Variants in HEPHL1 observed in about 807,000 individuals in gnomAD.
The protein encoded by HEPHL1 is ferroxidase HEPHL1.
A neutral mutation model predicts 122.0 loss-of-function variants in HEPHL1; 123 were observed. The observed-to-expected ratio is 1.01, with a 90% CI of 0.87 to 1.17. The LOEUF is 1.17. HEPHL1 is among the 50% of genes most tolerant of loss of function. HEPHL1 has a pLI of 0.00. For missense variants in HEPHL1, 1,452 were observed against 1,430.5 expected, an observed-to-expected ratio of 1.01 and a Z score of -0.24; for synonymous variants, 527 against 508.9, an observed-to-expected ratio of 1.04 and a Z score of -0.48.
chr11:94,050,324 G>A (rs968703164), intron 2 of HEPHL1, among the ~76,000 whole-genome samples: 34 of 151,962 alleles, frequency 2.2e-4, no homozygotes, highest in African/African-American at 2.7e-4. Context: ...ATACCTTTAC[G>A]TTTTTTCTTT....
chr11:94,047,345 C>T (rs1260560888), intron 2 of HEPHL1, among the ~76,000 whole-genome samples: 1 of 152,058 alleles, frequency 6.6e-6, no homozygotes, highest in Non-Finnish European at 1.5e-5. Context: ...TTTTCCTGAT[C>T]CTCTCCCTCC....
chr11:94,031,436 C>T (rs932503411), intron 1 of HEPHL1, among the ~76,000 whole-genome samples: 8 of 151,876 alleles, frequency 5.3e-5, no homozygotes, highest in African/African-American at 1.2e-4. Flanking sequence ...TTGGTGATCA[C>T]GCCATATCAG....
intron 1 of HEPHL1, among the ~76,000 whole-genome samples, chr11:94,032,678 A>G (rs1343544523): frequency 6.6e-6 from 1 of 152,120 alleles, no homozygotes; most frequent in East Asian, 1.9e-4. Flanking sequence ...GGTAACCACC[A>G]GGTGATGGTC....
chr11:94,104,461 G>A (rs1173555424), intron 15 of HEPHL1, 67 bp from the exon 16 acceptor site: 1 of 1,073,810 alleles, frequency 9.3e-7, no homozygotes, highest in Non-Finnish European at 1.4e-6. Flanking sequence ...TAGAATGGTG[G>A]CAGGTGGAAT....
chr11:94,108,341 C>T (rs541021327), intron 17 of HEPHL1, among the ~76,000 whole-genome samples: 1 of 152,142 alleles, frequency 6.6e-6, no homozygotes, highest in Non-Finnish European at 1.5e-5. Flanking sequence ...ATATTTGCTT[C>T]CAGTTTGTGG....
At chr11:94,084,367 A>AATAT (rs923082686) in intron 10 of HEPHL1, among the ~76,000 whole-genome samples, 2 of 149,748 alleles carry the variant, frequency 1.3e-5, no homozygotes, top group Admixed American at 6.7e-5. Flanking sequence ...TAAATAAATA[A>AATAT]ATAAATAAAT....
intron 1 of HEPHL1, among the ~76,000 whole-genome samples, chr11:94,023,153 A>T (rs2134399868): frequency 6.6e-6 from 1 of 152,350 alleles, no homozygotes; most frequent in Non-Finnish European, 1.5e-5. Context: ...TTTATAAGTA[A>T]GTGGTAGCAC....
In HEPHL1 at chr11:94,093,729, A is replaced by C. The variant is rs1946281418; in HGVS notation, c.2434+89A>C. The C allele has an allele frequency of 1.9e-5, 27 of 1,423,510 alleles. No individual in the cohort carries two copies. The South Asian group carries it at 3.7e-4, about 19-fold the overall frequency. 88.2% of individuals were successfully genotyped at this position (1,423,510 alleles called of 1,614,324 possible). On this transcript the variant is annotated intron_variant, in intron 13 of 19. Transcript: ENST00000315765. ...TGTTCTGTTACACTTGTGGCTAAGA[A>C]AGGATAGAAGAAACAGAGTAGCTTG...
rs139335227 is a variant in HEPHL1 at position 94,104,279 on chromosome 11, G to C, written c.2683-249G>C. On this transcript the variant is annotated intron_variant, in intron 15 of 19. Transcript: ENST00000315765. ...GAGCACATGGAGGGCTCACAGACCT[G>C]CAAGGGTTTGTATTTAATTCTGTAG... 2.2e-4 allele frequency among the ~76,000 whole-genome samples: 33 copies of C among 152,270 alleles called. No individual in the cohort carries two copies. In the East Asian group the frequency reaches 5.4e-3, roughly 25 times the overall value.
In HEPHL1 at chr11:94,088,910, T is replaced by C; in HGVS notation, c.2236T>C (p.Tyr746His). ...YIAAEEVEWDYAPNKNWEFEK... is the reference protein window; with the variant it reads ...YIAAEEVEWDHAPNKNWEFEK... ...CGCCGCTGAAGAAGTAGAATGGGATTATGCCCCTAACAAAAACTGGGAGTT... is the reference window on the plus strand; with the variant it reads ...CGCCGCTGAAGAAGTAGAATGGGATCATGCCCCTAACAAAAACTGGGAGTT... The change falls in exon 12 of 20, where the codon TAT (tyrosine) becomes CAT (histidine). Residue 746 changes from tyrosine to histidine, a missense_variant. By Grantham distance (83) the Tyr-to-His change is moderately conservative (BLOSUM62 2). Coordinates refer to ENST00000315765, the MANE Select transcript of HEPHL1 (RefSeq NM_001098672.2). 6.2e-7 allele frequency: 1 copy of C among 1,613,970 alleles called. No individual in the cohort carries two copies. The highest frequency in any genetic ancestry group is 1.3e-5 in the African/African-American group (1 of 75,026).
intron 8 of HEPHL1, 113 bp from the exon 9 acceptor site, chr11:94,075,059 CCT>C: frequency 1.2e-6 from 1 of 803,388 alleles, no homozygotes; most frequent in Non-Finnish European, 2.0e-6. Context: ...AAACCACTCT[CCT>C]GGTACAAAAT....
intron 7 of HEPHL1, 69 bp downstream of exon 7, chr11:94,073,233 A>G (rs928903587): frequency 2.3e-5 from 37 of 1,608,064 alleles, no homozygotes; most frequent in Non-Finnish European, 3.1e-5. Flanking sequence ...ACATCTGCAC[A>G]GAATGACTCT....
At position 94,064,509 on chromosome 11, in the gene HEPHL1, T is replaced by C. The variant is rs770614925; in HGVS notation, c.807T>C (p.His269=). 5 of 1,608,764 alleles carry C rather than the reference T, an allele frequency of 3.1e-6. No homozygotes were observed. The highest frequency in any genetic ancestry group is 3.3e-5 in the Admixed American group (2 of 59,924). ...DAVFQRSNKM[H]ALNGYLFGNF... ...TTTTCCAGAGGAGTAACAAAATGCA[T>C]GGTGAGTACCTCCCATGTTCCCAAA... The change falls in exon 4 of 20, where the codon CAT becomes CAC. Residue 269 remains histidine, a splice_region_variant and synonymous_variant. Coordinates refer to ENST00000315765, the MANE Select transcript of HEPHL1 (RefSeq NM_001098672.2).
intron 5 of HEPHL1, among the ~76,000 whole-genome samples, chr11:94,068,449 G>A (rs1386934394): frequency 6.6e-6 from 1 of 152,176 alleles, no homozygotes; most frequent in African/African-American, 2.4e-5. Flanking sequence ...TATGATAGGT[G>A]CATGATAAAC....
Position 94,093,591 on chromosome 11 carries a change from T to A in HEPHL1, c.2385T>A (p.Phe795Leu), listed in dbSNP as rs1166594922. The change falls in exon 13 of 20, where the codon TTT (phenylalanine) becomes TTA (leucine). Residue 795 changes from phenylalanine to leucine, a missense_variant. Physicochemically the swap from Phe to Leu is conservative, Grantham distance 22. Transcript: ENST00000315765. ...ACAGGGAATATACGGATGGAGAATT[T>A]GTGGAGATCAAAGCCCGACCACCAC... is the stretch of plus-strand genomic sequence containing the variant. The part of the protein sequence containing the change: ...VVYREYTDGE[F>L]VEIKARPPRE... 2 of 1,613,690 alleles carry A rather than the reference T, an allele frequency of 1.2e-6. No homozygotes were observed. Among genetic ancestry groups the A allele is most frequent in the African/African-American group, 2.7e-5 (2 of 74,968 alleles).
chr11:94,113,734 A>G lies in HEPHL1; in HGVS notation c.*1840A>G, dbSNP rs531336796. ...TGATTGCATCATTTATCATTTTAAT[A>G]AAGTGTCACATAAGGTGGCTATTTG... On this transcript the variant is annotated 3_prime_UTR_variant, in exon 20 of 20. Transcript: ENST00000315765. 6.6e-6 allele frequency: 1 copy of G among 152,294 alleles called. No homozygotes were observed. Among genetic ancestry groups the G allele is most frequent in the African/African-American group, 2.4e-5 (1 of 41,560 alleles). 9.4% of individuals were successfully genotyped at this position (152,294 alleles called of 1,614,324 possible). A position where few individuals can be genotyped will look rare whatever the true frequency, so the allele number is the denominator to read the frequency against.
chr11:94,097,898 C>T (rs1274180024), intron 13 of HEPHL1, among the ~76,000 whole-genome samples: 1 of 152,120 alleles, frequency 6.6e-6, no homozygotes, highest in African/African-American at 2.4e-5. Flanking sequence ...TTATTCTGAG[C>T]CTGTGTGTGT....
intron 12 of HEPHL1, among the ~76,000 whole-genome samples, chr11:94,093,095 C>CGT (rs1946274158): frequency 9.8e-6 from 1 of 102,038 alleles, no homozygotes; most frequent in African/African-American, 3.9e-5. Flanking sequence ...AGAGGGTGGA[C>CGT]GTGTATGTGT....
chr11:94,047,063 G>C lies in HEPHL1; in HGVS notation c.415+1146G>C, dbSNP rs186643562. ...GAACTCTGATGGTGAACACACAACT[G>C]GGATTGCCCTTTGTTCTGGGCTCTT... On this transcript the variant is annotated intron_variant, in intron 2 of 19. Coordinates refer to ENST00000315765, the MANE Select transcript of HEPHL1 (RefSeq NM_001098672.2). Among the ~76,000 whole-genome samples the C allele has an allele frequency of 4.5e-3, 686 of 152,302 alleles. 15 individuals carry two copies. Among genetic ancestry groups the C allele is most frequent in the Non-Finnish European group, 4.1e-3 (278 of 68,032 alleles).
Sources: gnomAD v4.1 joint callset for allele counts (sites outside exome capture counted in the v4.1 genomes callset) on GRCh38, gnomAD v4.1.1 for gene constraint, MANE v1.5 for transcripts, NCBI Gene and HGNC (gene_info 2026-07-23, HGNC 2026-07-21) for gene names.